The following RPRD1A variants were observed in gnomAD, a reference collection of about 807,000 sequenced individuals.
RPRD1A encodes the protein regulation of nuclear pre-mRNA domain-containing protein 1A.
A neutral mutation model predicts 37.8 loss-of-function variants in RPRD1A; 9 were observed. The observed-to-expected ratio is 0.24, with a 90% CI of 0.14 to 0.42. The LOEUF is 0.42. Ranked by LOEUF, RPRD1A falls within the 10% of genes least tolerant of loss-of-function variation. The probability of loss-of-function intolerance (pLI) is 1.00; values close to 1 mark genes in which losing one functional copy is unlikely to be tolerated. For missense variants in RPRD1A, 255 were observed against 371.0 expected, an observed-to-expected ratio of 0.69 and a Z score of 2.57; for synonymous variants, 138 against 139.7, an observed-to-expected ratio of 0.99 and a Z score of 0.08.
chr18:36,062,722 T>C (rs1220529997), intron 1 of RPRD1A, among the ~76,000 whole-genome samples: 2 of 152,186 alleles, frequency 1.3e-5, no homozygotes, highest in Non-Finnish European at 2.9e-5. Flanking sequence ...TCTATTCATA[T>C]GAAATGGTAA....
chr18:36,063,965 C>G (rs1468317972), intron 1 of RPRD1A: 2 of 152,250 alleles, frequency 1.3e-5, no homozygotes, highest in African/African-American at 4.8e-5. Context: ...ACTTATGAAA[C>G]ACTTAAACAT....
chr18:36,040,220 A>G (rs1050403205), intron 1 of RPRD1A, among the ~76,000 whole-genome samples: 2 of 152,234 alleles, frequency 1.3e-5, no homozygotes, highest in Non-Finnish European at 2.9e-5. Context: ...TAAATGATTA[A>G]GATCTCATGC....
chr18:36,064,331 G>C (rs1309202535), intron 1 of RPRD1A: 2 of 152,448 alleles, frequency 1.3e-5, no homozygotes, highest in Admixed American at 6.5e-5. Flanking sequence ...GCTCCCTCTG[G>C]GCTGCTAGAG....
At chr18:36,067,158 G>A (rs988555505) in intron 1 of RPRD1A, 96 bp downstream of exon 1, 7 of 1,375,612 alleles carry the variant, frequency 5.1e-6, no homozygotes, top group East Asian at 2.6e-5. Context: ...GCATCCCGAC[G>A]CCGGGAAGCC....
intron 1 of RPRD1A, among the ~76,000 whole-genome samples, chr18:36,034,828 A>G (rs977047425): frequency 6.6e-5 from 10 of 152,222 alleles, no homozygotes; most frequent in African/African-American, 2.4e-4. Flanking sequence ...TTACAAATTT[A>G]AGCATTTGAC....
chr18:35,990,471 T>C lies in RPRD1A; in HGVS notation c.*2680A>G, dbSNP rs1295451048. ...TGCATCTGGACAGGGAGGTTGGCTA[T>C]TGAGCACAGCTGATTCTCAGATTCC... On this transcript the variant is annotated 3_prime_UTR_variant, in exon 7 of 7. Coordinates refer to ENST00000399022, the MANE Select transcript of RPRD1A (RefSeq NM_018170.5). The C allele has an allele frequency of 1.3e-5, 2 of 152,250 alleles. No homozygotes were observed. Among genetic ancestry groups the C allele is most frequent in the African/African-American group, 4.8e-5 (2 of 41,474 alleles). The allele number at this position is 152,250 out of a possible 1,614,324, so 9.4% of individuals were successfully genotyped here.
intron 1 of RPRD1A, among the ~76,000 whole-genome samples, chr18:36,065,320 G>C (rs1167291067): frequency 6.6e-6 from 1 of 151,956 alleles, no homozygotes; most frequent in Non-Finnish European, 1.5e-5. Context: ...TGTTTTCTTA[G>C]CTCAAGATTT....
chr18:36,067,472 G>A lies in RPRD1A; in HGVS notation c.-68C>T. The A allele has an allele frequency of 6.7e-7, 1 of 1,503,012 alleles. No individual in the cohort carries two copies. The highest frequency in any genetic ancestry group is 2.5e-5 in the East Asian group (1 of 39,678). The allele number at this position is 1,503,012 out of a possible 1,614,324, so 93.1% of individuals were successfully genotyped here. A position where few individuals can be genotyped will look rare whatever the true frequency, so the allele number is the denominator to read the frequency against. ...AGGGGAGGAGAGTTTCGCCGCCCTA[G>A]CTGCGGCCTCGCCCCCTCACCCCAC... On this transcript the variant is annotated 5_prime_UTR_variant, in exon 1 of 7. Transcript: ENST00000399022.
chr18:36,045,292 T>A (rs1248653719), intron 1 of RPRD1A, among the ~76,000 whole-genome samples: 1 of 152,068 alleles, frequency 6.6e-6, no homozygotes, highest in Non-Finnish European at 1.5e-5. Context: ...ACTAACTCAA[T>A]TGACAAAGGG....
intron 6 of RPRD1A, among the ~76,000 whole-genome samples, chr18:36,020,509 T>C (rs1244058256): frequency 6.6e-6 from 1 of 152,200 alleles, no homozygotes; most frequent in Non-Finnish European, 1.5e-5. Flanking sequence ...GTCTTTAACA[T>C]GAATCAGCAA....
chr18:36,023,401 G>C (rs1911142624), intron 6 of RPRD1A, among the ~76,000 whole-genome samples: 1 of 152,222 alleles, frequency 6.6e-6, no homozygotes, highest in African/African-American at 2.4e-5. Context: ...GCCTGAAGAT[G>C]TGACTGAACT....
intron 1 of RPRD1A, among the ~76,000 whole-genome samples, chr18:36,066,976 T>G (rs910097196): frequency 1.3e-5 from 2 of 152,244 alleles, no homozygotes; most frequent in African/African-American, 4.8e-5. Context: ...CACCTGAATT[T>G]CTGGCCCTAA....
At chr18:36,011,094 A>G (rs1057448478) in intron 6 of RPRD1A, among the ~76,000 whole-genome samples, 10 of 152,352 alleles carry the variant, frequency 6.6e-5, no homozygotes, top group African/African-American at 2.4e-4. Context: ...GAAAATCTCC[A>G]AGTTTTTTTT....
At chr18:36,067,186 G>A in intron 1 of RPRD1A, 68 bp downstream of exon 1, 1 of 1,478,786 alleles carries the variant, frequency 6.8e-7, no homozygotes, top group Non-Finnish European at 9.1e-7. Flanking sequence ...CTGGAGAAAC[G>A]GGGTTCCCGG....
At position 35,993,303 on chromosome 18, in the gene RPRD1A, G is replaced by A. The variant is rs942672289; in HGVS notation, c.790-3C>T. The A allele has an allele frequency of 4.3e-6, 7 of 1,613,816 alleles. No homozygotes were observed. The highest frequency in any genetic ancestry group is 5.9e-6 in the Non-Finnish European group (7 of 1,179,906). On this transcript the variant is annotated splice_region_variant and splice_polypyrimidine_tract_variant and intron_variant, in intron 6 of 6. Coordinates refer to ENST00000399022, the MANE Select transcript of RPRD1A (RefSeq NM_018170.5). ...CTGGCTAGCTTGCGCTTGTACTCCT[G>A]TAACATCAAACCACTTTCATTAGCA...
chr18:36,014,203 A>G (rs1034164788), intron 6 of RPRD1A, among the ~76,000 whole-genome samples: 1 of 152,254 alleles, frequency 6.6e-6, no homozygotes, highest in African/African-American at 2.4e-5. Context: ...AAAAAAGCAT[A>G]TAAATTTCTA....
At chr18:36,066,198 G>C (rs545867476) in intron 1 of RPRD1A, among the ~76,000 whole-genome samples, 44 of 152,214 alleles carry the variant, frequency 2.9e-4, no homozygotes, top group Admixed American at 2.6e-3. Flanking sequence ...CTCAAGGATG[G>C]GTGACGTTTT....
chr18:36,052,278 C>T (rs1956249639), intron 1 of RPRD1A, among the ~76,000 whole-genome samples: 1 of 151,350 alleles, frequency 6.6e-6, no homozygotes. Flanking sequence ...ACTAGTAAAC[C>T]TGACCTACAA....
intron 2 of RPRD1A, among the ~76,000 whole-genome samples, chr18:36,033,332 A>T (rs1911948659): frequency 6.6e-6 from 1 of 150,944 alleles, no homozygotes; most frequent in African/African-American, 2.4e-5. Flanking sequence ...AAAAGAATAG[A>T]AACAGTACTA....
Sources: gnomAD v4.1 joint callset for allele counts (sites outside exome capture counted in the v4.1 genomes callset) on GRCh38, gnomAD v4.1.1 for gene constraint, MANE v1.5 for transcripts, NCBI Gene and HGNC (gene_info 2026-07-23, HGNC 2026-07-21) for gene names.